Variants in CDH18 observed in about 807,000 individuals in gnomAD.
CDH18 encodes the protein cadherin-18.
A neutral mutation model predicts 67.9 loss-of-function variants in CDH18; 31 were observed. The ratio of observed to expected loss-of-function variants is 0.46; its 90% CI spans 0.34 to 0.62. CDH18 has a LOEUF of 0.62. CDH18 is among the 20% of genes least tolerant of loss of function. The pLI, the probability that CDH18 is intolerant of heterozygous loss-of-function variation, is 0.01. For synonymous variants in CDH18, 362 were observed against 347.2 expected, an observed-to-expected ratio of 1.04 and a Z score of -0.48; for missense variants, 890 against 975.5, an observed-to-expected ratio of 0.91 and a Z score of 1.17.
At chr5:20,442,986 G>T (rs534097734) in intron 1 of CDH18, among the ~76,000 whole-genome samples, 3 of 151,424 alleles carry the variant, frequency 2.0e-5, no homozygotes, top group Non-Finnish European at 4.4e-5. Flanking sequence ...GAGGCGGGCG[G>T]ATCACGAGGT....
At chr5:19,962,708 G>A (rs1303521069) in intron 2 of CDH18, among the ~76,000 whole-genome samples, 1 of 151,970 alleles carries the variant, frequency 6.6e-6, no homozygotes, top group East Asian at 1.9e-4. Flanking sequence ...CCTGGGAGGC[G>A]GAGGTTGCAG....
At chr5:20,566,972 G>C (rs2471119) in intron 1 of CDH18, among the ~76,000 whole-genome samples, 41,752 of 151,980 alleles carry the variant, frequency 0.27, 7,233 homozygotes, top group African/African-American at 0.49. Context: ...ATACTGTATT[G>C]AAGGCCAAAC....
chr5:19,513,901 G>A (rs538804037), intron 10 of CDH18, among the ~76,000 whole-genome samples: 73 of 151,950 alleles, frequency 4.8e-4, no homozygotes, highest in Middle Eastern at 3.4e-3. Flanking sequence ...CAACATGCAG[G>A]TTTGTTACAT....
chr5:19,487,064 A>G (rs1740519620), intron 11 of CDH18, among the ~76,000 whole-genome samples: 1 of 152,164 alleles, frequency 6.6e-6, no homozygotes, highest in South Asian at 2.1e-4. Context: ...TTAAGATTCG[A>G]GGAGATTTTG....
rs143833000 is a variant in CDH18 at position 19,639,744 on chromosome 5, C to T, written c.644-27143G>A. 2.6e-3 allele frequency among the ~76,000 whole-genome samples: 394 copies of T among 152,380 alleles called. 2 individuals carry two copies. Among genetic ancestry groups the T allele is most frequent in the African/African-American group, 9.0e-3 (375 of 41,594 alleles). On this transcript the variant is annotated intron_variant, in intron 5 of 12. Transcript: ENST00000382275. ...ACAGACACATGCCCCTTGCGTGCTA[C>T]AGCCGTGACTGCAACAGGCATGCTG...
chr5:19,552,653 A>G (rs1737665511), intron 8 of CDH18, among the ~76,000 whole-genome samples: 1 of 152,206 alleles, frequency 6.6e-6, no homozygotes, highest in Non-Finnish European at 1.5e-5. Context: ...ATGATCAATG[A>G]TCAATAAGAT....
chr5:19,939,008 TAAAC>T (rs1213510530), intron 2 of CDH18, among the ~76,000 whole-genome samples: 1 of 151,118 alleles, frequency 6.6e-6, no homozygotes, highest in Non-Finnish European at 1.5e-5. Context: ...AAGAAGTTCA[TAAAC>T]AAAGAGATGC....
chr5:19,856,902 A>C (rs149678720), intron 2 of CDH18, among the ~76,000 whole-genome samples: 1 of 151,994 alleles, frequency 6.6e-6, no homozygotes, highest in African/African-American at 2.4e-5. Context: ...TTTTCTTTCT[A>C]AAAGTAATAA....
intron 3 of CDH18, among the ~76,000 whole-genome samples, chr5:19,827,158 G>T (rs1047401472): frequency 1.3e-5 from 2 of 151,970 alleles, no homozygotes; most frequent in Non-Finnish European, 2.9e-5. Context: ...GATGGGAAAG[G>T]GTTCAGTTCA....
chr5:19,986,467 C>T (rs1799574131), intron 1 of CDH18, among the ~76,000 whole-genome samples: 1 of 152,184 alleles, frequency 6.6e-6, no homozygotes, highest in South Asian at 2.1e-4. Context: ...GGCAATCAAT[C>T]TTGACCATTG....
At position 19,520,362 on chromosome 5, in the gene CDH18, C is replaced by T. The variant is rs189325635; in HGVS notation, c.1512+295G>A. ...TTAAGAGAGAAACGTTTGCTATTTC[C>T]TCCTCACTTAAAGTAGGGTTGGACA... On this transcript the variant is annotated intron_variant, in intron 10 of 12. Transcript: ENST00000382275. 3.7e-4 allele frequency among the ~76,000 whole-genome samples: 57 copies of T among 152,256 alleles called. 3 individuals carry two copies. The highest frequency in any genetic ancestry group is 3.3e-3 in the Admixed American group (51 of 15,286).
intron 3 of CDH18, among the ~76,000 whole-genome samples, chr5:19,837,449 T>G (rs1357400813): frequency 6.6e-6 from 1 of 152,128 alleles, no homozygotes; most frequent in Non-Finnish European, 1.5e-5. Context: ...ATAACCCAGG[T>G]AAATTTCTAC....
rs1012813437 is a variant in CDH18 at position 20,548,884 on chromosome 5, T to C, written c.-580+26578A>G. On this transcript the variant is annotated intron_variant, in intron 1 of 14. Coordinates refer to the CDH18 transcript ENST00000507958. Reference sequence around the variant, plus strand: ...ATCTGGAAAATCTTAAGTGTACTGGTGAAAGAGAGAAGTTGGCAAATACAA... The same window carrying C: ...ATCTGGAAAATCTTAAGTGTACTGGCGAAAGAGAGAAGTTGGCAAATACAA... Among the ~76,000 whole-genome samples the C allele has an allele frequency of 5.9e-5, 9 of 152,104 alleles. 1 individual carries two copies. Among genetic ancestry groups the C allele is most frequent in the Admixed American group, 5.9e-4 (9 of 15,258 alleles).
chr5:20,185,199 A>G (rs1418295601), intron 2 of CDH18, among the ~76,000 whole-genome samples: 2 of 152,144 alleles, frequency 1.3e-5, no homozygotes, highest in Admixed American at 6.6e-5. Context: ...CCTGTCAACA[A>G]TATGTTCAAA....
At position 20,235,248 on chromosome 5, in the gene CDH18, G is replaced by A. The variant is rs550036748; in HGVS notation, c.-518+20196C>T. 2.6e-5 allele frequency among the ~76,000 whole-genome samples: 4 copies of A among 152,030 alleles called. No individual in the cohort carries two copies. The East Asian group carries it at 7.8e-4, about 29-fold the overall frequency. On this transcript the variant is annotated intron_variant, in intron 2 of 14. Transcript: ENST00000507958. The stretch of plus-strand genomic sequence containing the variant: ...AATATTTATGGCTAAGTTCTCAAAA[G>A]CAATTGCAACAAAACCAAAAGTTGA...
At chr5:20,149,987 A>G (rs368410458) in intron 2 of CDH18, among the ~76,000 whole-genome samples, 3 of 151,982 alleles carry the variant, frequency 2.0e-5, no homozygotes, top group African/African-American at 7.2e-5. Context: ...TGGAATTTAG[A>G]AAAAAAATGA....
intron 3 of CDH18, among the ~76,000 whole-genome samples, chr5:19,759,188 T>C (rs1772015111): frequency 6.6e-6 from 1 of 152,166 alleles, no homozygotes; most frequent in African/African-American, 2.4e-5. Flanking sequence ...CACTGCTTGG[T>C]TAAGCTTATA....
At chr5:20,024,351 A>G (rs928505617) in intron 2 of CDH18, among the ~76,000 whole-genome samples, 4 of 152,204 alleles carry the variant, frequency 2.6e-5, no homozygotes, top group Admixed American at 6.5e-5. Context: ...GCTATATAAA[A>G]TAAATAATAG....
At position 20,379,880 on chromosome 5, in the gene CDH18, G is replaced by T. The variant is rs147940748; in HGVS notation, c.-579-124375C>A. Among the ~76,000 whole-genome samples the T allele has an allele frequency of 3.2e-3, 486 of 152,036 alleles. 4 individuals carry two copies. The highest frequency in any genetic ancestry group is 0.011 in the African/African-American group (464 of 41,508). The stretch of plus-strand genomic sequence containing the variant: ...AAAGGTGTGAGCCAGCCAGCCCTAG[G>T]TTGTGACCCCAATCACTGAAGCAAA... On this transcript the variant is annotated intron_variant, in intron 1 of 14. Coordinates refer to the CDH18 transcript ENST00000507958.
Sources: gnomAD v4.1 joint callset for allele counts (sites outside exome capture counted in the v4.1 genomes callset) on GRCh38, gnomAD v4.1.1 for gene constraint, MANE v1.5 for transcripts, NCBI Gene and HGNC (gene_info 2026-07-23, HGNC 2026-07-21) for gene names.